Variants in PRICKLE1 observed in about 807,000 individuals in gnomAD.
PRICKLE1 encodes the protein prickle-like protein 1.
In PRICKLE1, 14 loss-of-function variants were observed where a neutral mutation model predicts 70.2. The observed-to-expected ratio is 0.20, with a 90% CI of 0.13 to 0.31. PRICKLE1 has a LOEUF of 0.31. Ranked by LOEUF, PRICKLE1 falls within the 10% of genes least tolerant of loss-of-function variation. The pLI, the probability that PRICKLE1 is intolerant of heterozygous loss-of-function variation, is 1.00. For missense variants in PRICKLE1, 821 were observed against 1,026.2 expected (o/e 0.80, Z 2.73); for synonymous variants, 357 against 379.9 (o/e 0.94, Z 0.70).
chr12:42,491,092 C>T (rs967031089), intron 1 of PRICKLE1, among the ~76,000 whole-genome samples: 1 of 148,896 alleles, frequency 6.7e-6, no homozygotes, highest in African/African-American at 2.5e-5. Context: ...CCAGGCTGGT[C>T]TCGAACTCCT....
intron 1 of PRICKLE1, among the ~76,000 whole-genome samples, chr12:42,537,859 C>G (rs1416051128): frequency 3.9e-5 from 6 of 152,142 alleles, no homozygotes; most frequent in African/African-American, 1.2e-4. Context: ...ATTCTTTCAA[C>G]CAAACAATCG....
intron 1 of PRICKLE1, among the ~76,000 whole-genome samples, chr12:42,512,465 C>G (rs773695640): frequency 6.6e-6 from 1 of 152,086 alleles, no homozygotes; most frequent in Non-Finnish European, 1.5e-5. Context: ...CATGAGGCAC[C>G]GTGCCCAGCT....
chr12:42,546,185 T>C (rs541609647), intron 1 of PRICKLE1, among the ~76,000 whole-genome samples: 18 of 152,268 alleles, frequency 1.2e-4, no homozygotes, highest in African/African-American at 4.3e-4. Context: ...GTATAAGTTA[T>C]GAATACTCTG....
chr12:42,467,682 G>A (rs1404133052), intron 5 of PRICKLE1, among the ~76,000 whole-genome samples: 2 of 152,116 alleles, frequency 1.3e-5, no homozygotes, highest in African/African-American at 4.8e-5. Context: ...CGGGGCGGAG[G>A]TTGCAGTGAG....
chr12:42,465,485 C>T lies in PRICKLE1; in HGVS notation c.776-227G>A, dbSNP rs1566081520. 3 of 561,896 alleles carry T rather than the reference C, an allele frequency of 5.3e-6. No homozygotes were observed. The East Asian group carries it at 9.1e-5, about 17-fold the overall frequency. The allele number at this position is 561,896 out of a possible 1,614,324, so 34.8% of individuals were successfully genotyped here. A position where few individuals can be genotyped will look rare whatever the true frequency, so the allele number is the denominator to read the frequency against. On this transcript the variant is annotated intron_variant, in intron 6 of 7. Coordinates refer to ENST00000345127, the MANE Select transcript of PRICKLE1 (RefSeq NM_153026.3). ...CTAATATTCGCAACAGTTTCATGGT[C>T]ATTCGCAGATGTGCAGAGTGGTAAA...
At chr12:42,551,503 T>C (rs1940317081) in intron 1 of PRICKLE1, among the ~76,000 whole-genome samples, 1 of 152,176 alleles carries the variant, frequency 6.6e-6, no homozygotes, top group African/African-American at 2.4e-5. Flanking sequence ...AGGCAGCTTT[T>C]GTTACACAGC....
chr12:42,517,704 C>T (rs1284795444), intron 1 of PRICKLE1, among the ~76,000 whole-genome samples: 3 of 152,072 alleles, frequency 2.0e-5, no homozygotes, highest in Non-Finnish European at 2.9e-5. Flanking sequence ...GCCTTATTGC[C>T]TCCTCCTGGC....
At chr12:42,523,362 A>G (rs1939746360) in intron 1 of PRICKLE1, among the ~76,000 whole-genome samples, 1 of 152,252 alleles carries the variant, frequency 6.6e-6, no homozygotes, top group Non-Finnish European at 1.5e-5. Flanking sequence ...CCAAGTTTAC[A>G]TAGGGGCAAC....
At chr12:42,565,243 T>C (rs1404207778) in intron 1 of PRICKLE1, among the ~76,000 whole-genome samples, 1 of 152,016 alleles carries the variant, frequency 6.6e-6, no homozygotes, top group Non-Finnish European at 1.5e-5. Context: ...GCTCTGGAAG[T>C]TTTAAAACAG....
intron 1 of PRICKLE1, among the ~76,000 whole-genome samples, chr12:42,547,236 C>A (rs1940230801): frequency 6.6e-6 from 1 of 152,156 alleles, no homozygotes; most frequent in Non-Finnish European, 1.5e-5. Flanking sequence ...ATCTTCCTAG[C>A]AACTACTACT....
intron 1 of PRICKLE1, among the ~76,000 whole-genome samples, chr12:42,493,886 A>C (rs1463126044): frequency 6.6e-6 from 1 of 151,994 alleles, no homozygotes. Context: ...GAAAAGAAAA[A>C]AAGAGAACGA....
At chr12:42,492,698 G>A (rs956539090) in intron 1 of PRICKLE1, among the ~76,000 whole-genome samples, 3 of 152,200 alleles carry the variant, frequency 2.0e-5, no homozygotes, top group African/African-American at 7.2e-5. Context: ...TGAATCACAC[G>A]CAGCTCTAGT....
At position 42,519,485 on chromosome 12, in the gene PRICKLE1, C is replaced by T. The variant is rs966643559; in HGVS notation, c.-48-46921G>A. On this transcript the variant is annotated intron_variant, in intron 1 of 7. Transcript: ENST00000345127. ...TGCCGGGATTATAGGCATGAGCCAC[C>T]GTACCTGGCTTTACTGAATTTTCAG... Among the ~76,000 whole-genome samples, 5 of 152,142 alleles carry T rather than the reference C, an allele frequency of 3.3e-5. No individual in the cohort carries two copies. The East Asian group carries it at 5.8e-4, about 18-fold the overall frequency.
intron 1 of PRICKLE1, among the ~76,000 whole-genome samples, chr12:42,509,759 C>T (rs1288068976): frequency 1.3e-5 from 2 of 152,076 alleles, no homozygotes; most frequent in Admixed American, 1.3e-4. Context: ...AGAAATAGCT[C>T]ATGTCAATTT....
chr12:42,484,030 AAAAAAAAAAAAAAAAAAAG>A lies in PRICKLE1; in HGVS notation c.-48-11485_-48-11467del, dbSNP rs1938917131. 1.4e-5 allele frequency: 2 copies of A among 146,176 alleles called. 1 individual carries two copies. Among genetic ancestry groups the A allele is most frequent in the Non-Finnish European group, 3.0e-5 (2 of 66,704 alleles). 9.1% of individuals were successfully genotyped at this position (146,176 alleles called of 1,614,324 possible). A position where few individuals can be genotyped will look rare whatever the true frequency, so the allele number is the denominator to read the frequency against. ...CCGCAGTAAAAAAAAAAAAAAAAAA[AAAAAAAAAAAAAAAAAAAG>A]TAACCATTTCGTTTCCTGCCGATCC... On this transcript the variant is annotated intron_variant, in intron 1 of 7. Transcript: ENST00000345127.
intron 6 of PRICKLE1, 38 bp from the exon 7 acceptor site, chr12:42,465,296 T>G (rs1430070689): frequency 1.9e-6 from 3 of 1,607,210 alleles, no homozygotes; most frequent in Non-Finnish European, 2.6e-6. Context: ...CAGGTTATGG[T>G]TTAATGCCTG....
chr12:42,545,864 A>AT (rs1366767275), intron 1 of PRICKLE1, among the ~76,000 whole-genome samples: 1 of 139,764 alleles, frequency 7.2e-6, no homozygotes, highest in East Asian at 2.2e-4. Flanking sequence ...AAGAAAAAAA[A>AT]AAAATATATA....
chr12:42,550,689 A>G (rs1227871485), intron 1 of PRICKLE1, among the ~76,000 whole-genome samples: 1 of 152,178 alleles, frequency 6.6e-6, no homozygotes, highest in African/African-American at 2.4e-5. Flanking sequence ...TTCCTACTAC[A>G]AAACAACAAA....
chr12:42,460,669 G>A lies in PRICKLE1; in HGVS notation c.1640-4C>T, dbSNP rs1278327591. The A allele has an allele frequency of 6.2e-7, 1 of 1,606,754 alleles. No individual in the cohort carries two copies. Among genetic ancestry groups the A allele is most frequent in the South Asian group, 1.1e-5 (1 of 91,084 alleles). On this transcript the variant is annotated splice_region_variant and splice_polypyrimidine_tract_variant and intron_variant, in intron 7 of 7. Coordinates refer to ENST00000345127, the MANE Select transcript of PRICKLE1 (RefSeq NM_153026.3). ...TTTTCTCCATCCACCGAAGCCCCTA[G>A]AAGAGAGGCCAAAACAAGATGTGCT...
Sources: gnomAD v4.1 joint callset for allele counts (sites outside exome capture counted in the v4.1 genomes callset) on GRCh38, gnomAD v4.1.1 for gene constraint, MANE v1.5 for transcripts, NCBI Gene and HGNC (gene_info 2026-07-23, HGNC 2026-07-21) for gene names.